UGT1A5: variants seen among roughly 807,000 people sequenced by gnomAD.
UGT1A5 encodes the protein UDP-glucuronosyltransferase 1A5.
A neutral mutation model predicts 40.3 loss-of-function variants in UGT1A5; 29 were observed. The observed-to-expected ratio is 0.72, with a 90% confidence interval of 0.54 to 0.98. The LOEUF (loss-of-function observed/expected upper bound fraction) is 0.98, where lower values mean the gene tolerates loss of function less well. Ranked by LOEUF, UGT1A5 falls within the 50% of genes least tolerant of loss-of-function variation. The pLI is 0.00. For synonymous variants in UGT1A5, 257 were observed against 262.5 expected, an observed-to-expected ratio of 0.98 and a Z score of 0.20; for missense variants, 678 against 677.9, an observed-to-expected ratio of 1.00 and a Z score of 0.00.
intron 1 of UGT1A5, among the ~76,000 whole-genome samples, chr2:233,752,803 G>A (rs140636687): frequency 3.1e-4 from 47 of 152,278 alleles, no homozygotes; most frequent in African/African-American, 1.1e-3. Flanking sequence ...TTCTGTAGAA[G>A]GAACACTTCC....
intron 1 of UGT1A5, chr2:233,753,144 A>G (rs1203903017): frequency 6.6e-6 from 1 of 152,210 alleles, no homozygotes; most frequent in Non-Finnish European, 1.5e-5. Context: ...ATCTTCACAC[A>G]TGTAAGTTCC....
Position 233,769,905 on chromosome 2 carries a change from G to A in UGT1A5, c.1307+1466G>A. On this transcript the variant is annotated intron_variant, in intron 4 of 4. Coordinates refer to ENST00000373414, the MANE Select transcript of UGT1A5 (RefSeq NM_019078.2). The surrounding 1 kb of genome is among the most constrained non-coding windows in gnomAD (Gnocchi z 4.4). ...AGTCCACATAACCTGAGCATCATGTGCCCAGAGCGTTGGGTGGTGTGGTCC... is the reference window on the plus strand; with the variant it reads ...AGTCCACATAACCTGAGCATCATGTACCCAGAGCGTTGGGTGGTGTGGTCC... 1 of 322,682 alleles carries A rather than the reference G, an allele frequency of 3.1e-6. No individual in the cohort carries two copies. Among genetic ancestry groups the A allele is most frequent in the Admixed American group, 4.6e-5 (1 of 21,882 alleles). 20.0% of individuals were successfully genotyped at this position (322,682 alleles called of 1,614,324 possible).
rs193246215 is a variant in UGT1A5, at chr2:233,754,852, G to A, written c.868-12182G>A. On this transcript the variant is annotated intron_variant, in intron 1 of 4. Coordinates refer to ENST00000373414, the MANE Select transcript of UGT1A5 (RefSeq NM_019078.2). ...GGAAATTCACTGAAGGCAGAGAAAAGGGGTGCAGACCCTCTGCTTCTGCTT... is the reference window on the plus strand; with the variant it reads ...GGAAATTCACTGAAGGCAGAGAAAAAGGGTGCAGACCCTCTGCTTCTGCTT... 19 of 1,345,310 alleles carry A rather than the reference G, an allele frequency of 1.4e-5. No individual in the cohort carries two copies. The Middle Eastern group carries it at 6.3e-4, about 45-fold the overall frequency. The allele number at this position is 1,345,310 out of a possible 1,614,324, so 83.3% of individuals were successfully genotyped here. A position where few individuals can be genotyped will look rare whatever the true frequency, so the allele number is the denominator to read the frequency against.
In UGT1A5 at chr2:233,772,609, C is replaced by T; in HGVS notation, c.*50C>T. On this transcript the variant is annotated 3_prime_UTR_variant, in exon 5 of 5. Transcript: ENST00000373414. The stretch of plus-strand genomic sequence containing the variant: ...ATTTTGAACCATTCCCTAGTCATTT[C>T]CAAACTTGAAAACAGAATCAGTGTT... 1 of 1,581,700 alleles carries T rather than the reference C, an allele frequency of 6.3e-7. No homozygotes were observed. Among genetic ancestry groups the T allele is most frequent in the Non-Finnish European group, 8.6e-7 (1 of 1,163,020 alleles).
chr2:233,762,622 T>A (rs772893097), intron 1 of UGT1A5, among the ~76,000 whole-genome samples: 3 of 152,196 alleles, frequency 2.0e-5, no homozygotes, highest in Non-Finnish European at 4.4e-5. Context: ...TGTTGTGACC[T>A]CAAACACTTC....
chr2:233,717,499 G>T (rs570547635), intron 1 of UGT1A5, among the ~76,000 whole-genome samples: 12 of 152,304 alleles, frequency 7.9e-5, no homozygotes, highest in Non-Finnish European at 1.5e-4. Context: ...TATCAATGTG[G>T]ATTTCTAATG....
At chr2:233,758,569 A>C (rs1696913404) in intron 1 of UGT1A5, among the ~76,000 whole-genome samples, 2 of 152,222 alleles carry the variant, frequency 1.3e-5, no homozygotes, top group Non-Finnish European at 2.9e-5. Context: ...TGGTCCTAAA[A>C]AATGAAGAGT....
intron 1 of UGT1A5, among the ~76,000 whole-genome samples, chr2:233,727,690 C>G (rs1223646501): frequency 6.6e-6 from 1 of 152,230 alleles, no homozygotes; most frequent in African/African-American, 2.4e-5. Context: ...GAATCATCCT[C>G]TACTGGACAG....
At chr2:233,724,815 G>A (rs1445822496) in intron 1 of UGT1A5, among the ~76,000 whole-genome samples, 1 of 137,052 alleles carries the variant, frequency 7.3e-6, no homozygotes, top group Admixed American at 7.2e-5. Context: ...GGCAGAGGCT[G>A]CAATCTCGGC....
intron 1 of UGT1A5, among the ~76,000 whole-genome samples, chr2:233,762,527 A>C (rs1575790124): frequency 4.6e-5 from 7 of 152,228 alleles, no homozygotes; most frequent in Admixed American, 3.9e-4. Context: ...ATTTCATGGT[A>C]CTTGTGTACC....
intron 1 of UGT1A5, chr2:233,721,831 C>G: frequency 3.9e-6 from 2 of 514,410 alleles, no homozygotes. Flanking sequence ...TTTGGGCCAC[C>G]GACCTTGTGT....
chr2:233,757,560 A>ATATATATATATATATATG (rs904896556), intron 1 of UGT1A5, among the ~76,000 whole-genome samples: 7 of 123,144 alleles, frequency 5.7e-5, no homozygotes, highest in African/African-American at 1.7e-4. Context: ...ATATATATAT[A>ATATATATATATATATATG]TGTATATATG....
chr2:233,768,508 A>G (rs1699630858), intron 4 of UGT1A5, 69 bp downstream of exon 4: 1 of 1,557,694 alleles, frequency 6.4e-7, no homozygotes, highest in South Asian at 1.2e-5. Flanking sequence ...AAATATGAAA[A>G]CATTTACGTA....
chr2:233,756,378 T>C (rs367582243), intron 1 of UGT1A5: 2 of 152,250 alleles, frequency 1.3e-5, no homozygotes, highest in South Asian at 2.1e-4. Flanking sequence ...GCTATGTAAA[T>C]AGTTGTTTTA....
At chr2:233,755,164 G>C in intron 1 of UGT1A5, 1 of 1,277,322 alleles carries the variant, frequency 7.8e-7, no homozygotes, top group Non-Finnish European at 1.1e-6. Flanking sequence ...CTGTCCTCGG[G>C]GTTTTTGTCG....
intron 1 of UGT1A5, chr2:233,752,495 C>T (rs1266161924): frequency 6.6e-6 from 1 of 152,176 alleles, no homozygotes; most frequent in Non-Finnish European, 1.5e-5. Flanking sequence ...TGAGATGAGA[C>T]ATTTTAAAAA....
At chr2:233,755,268 A>G (rs983713744) in intron 1 of UGT1A5, 4 of 766,442 alleles carry the variant, frequency 5.2e-6, no homozygotes, top group Non-Finnish European at 5.9e-6. Context: ...GTAGTCCACT[A>G]TGCTGGACTG....
chr2:233,715,162 A>G (rs1420299748), intron 1 of UGT1A5, among the ~76,000 whole-genome samples: 3 of 152,214 alleles, frequency 2.0e-5, no homozygotes, highest in Non-Finnish European at 1.5e-5. Flanking sequence ...CTGGAATTAC[A>G]GGCGCGAGCC....
At chr2:233,730,052 G>T in intron 1 of UGT1A5, 3 of 1,612,052 alleles carry the variant, frequency 1.9e-6, no homozygotes, top group Non-Finnish European at 2.5e-6. Flanking sequence ...TTAAAAAAAT[G>T]TATTTATTTA....
Sources: gnomAD v4.1 joint callset for allele counts (sites outside exome capture counted in the v4.1 genomes callset) on GRCh38, gnomAD v4.1.1 for gene constraint, Gnocchi (gnomAD v3.1) non-coding constraint, MANE v1.5 for transcripts, NCBI Gene and HGNC (gene_info 2026-07-23, HGNC 2026-07-21) for gene names.